Variants in SI observed in about 807,000 individuals in gnomAD.
The protein encoded by SI is sucrase-isomaltase, intestinal.
In SI, 235 loss-of-function variants were observed where a neutral mutation model predicts 253.3. The observed-to-expected ratio is 0.93, with a 90% confidence interval of 0.83 to 1.03. SI has a LOEUF of 1.03. SI is among the 50% of genes least tolerant of loss of function. SI has a pLI of 0.00. For missense variants in SI, 2,442 were observed against 2,211.1 expected (o/e 1.10, Z -2.09); for synonymous variants, 819 against 712.0 (o/e 1.15, Z -2.39).
At chr3:164,988,235 T>C (rs1279730746) in intron 44 of SI, among the ~76,000 whole-genome samples, 1 of 152,200 alleles carries the variant, frequency 6.6e-6, no homozygotes, top group African/African-American at 2.4e-5. Flanking sequence ...CTCCTAAAAT[T>C]TCCAGAATCT....
chr3:165,055,521 G>A (rs1211793760), intron 12 of SI, among the ~76,000 whole-genome samples: 1 of 151,774 alleles, frequency 6.6e-6, no homozygotes, highest in Admixed American at 6.6e-5. Flanking sequence ...GAAGCATTTA[G>A]GAAGAAAAAA....
intron 35 of SI, among the ~76,000 whole-genome samples, chr3:165,008,809 CT>C (rs1330831994): frequency 2.0e-5 from 3 of 151,686 alleles, no homozygotes; most frequent in African/African-American, 7.3e-5. Flanking sequence ...TAAGCATTTA[CT>C]TGTAGCAAAG....
At position 165,016,025 on chromosome 3, in the gene SI, C is replaced by G. The variant is rs776026573; in HGVS notation, c.3815G>C (p.Gly1272Ala). ...CTGAGGAAGGTCCTGGAATGCTTCA[C>G]CAATTGTAAAGTCTAGCTGCCTTTC... ...YMERQLDFTI[G>A]EAFQDLPQFV... The change falls in exon 32 of 48, where the codon GGT (glycine) becomes GCT (alanine). Residue 1272 changes from glycine to alanine, a missense_variant. Gly to Ala is a moderately conservative substitution (Grantham distance 60). Transcript: ENST00000264382. The G allele has an allele frequency of 3.1e-6, 5 of 1,612,338 alleles. No individual in the cohort carries two copies. The highest frequency in any genetic ancestry group is 2.2e-5 in the East Asian group (1 of 44,774).
intron 37 of SI, among the ~76,000 whole-genome samples, chr3:164,999,468 TAAA>T (rs1204904931): frequency 6.6e-6 from 1 of 151,688 alleles, no homozygotes; most frequent in Non-Finnish European, 1.5e-5. Context: ...TAGTTGGAAA[TAAA>T]AATTTTATTT....
chr3:165,024,035 C>T (rs1407113849), intron 25 of SI, among the ~76,000 whole-genome samples: 1 of 151,332 alleles, frequency 6.6e-6, no homozygotes. Context: ...CATTTTTTAA[C>T]TCAAAAAATA....
chr3:165,021,237 T>G lies in SI; in HGVS notation c.3246A>C (p.Gly1082=), dbSNP rs1472543796. Residue 1082 remains glycine, a synonymous_variant, in exon 27 of 48, where the codon GGA becomes GGC. Coordinates refer to ENST00000264382, the MANE Select transcript of SI (RefSeq NM_001041.4). ...ATAATTCAATTACTTACATGACTCT[T>G]CCACTGCTTCTCCGTCGAATCTGGA... The part of the protein sequence containing the change: ...FGIQIRRRSS[G]RVIWDSWLPG... The G allele has an allele frequency of 6.2e-7, 1 of 1,610,356 alleles. No individual in the cohort carries two copies. The highest frequency in any genetic ancestry group is 1.3e-5 in the African/African-American group (1 of 74,700).
At chr3:165,035,242 C>G (rs1273934892) in intron 22 of SI, among the ~76,000 whole-genome samples, 1 of 151,796 alleles carries the variant, frequency 6.6e-6, no homozygotes, top group Non-Finnish European at 1.5e-5. Flanking sequence ...GTATAAAAGA[C>G]TACATTTATC....
At chr3:165,063,145 A>G (rs896838877) in intron 8 of SI, among the ~76,000 whole-genome samples, 4 of 152,010 alleles carry the variant, frequency 2.6e-5, no homozygotes, top group African/African-American at 9.7e-5. Flanking sequence ...TATCTCGACA[A>G]ATGAGATTGT....
intron 3 of SI, among the ~76,000 whole-genome samples, chr3:165,072,478 C>A (rs1310458104): frequency 6.6e-6 from 1 of 151,834 alleles, no homozygotes; most frequent in Non-Finnish European, 1.5e-5. Flanking sequence ...TTGAAAATTG[C>A]AACATCTCCT....
At position 164,992,387 on chromosome 3, in the gene SI, C is replaced by T. The variant is rs1488687346; in HGVS notation, c.4852G>A (p.Glu1618Lys). The change falls in exon 42 of 48, where the codon GAA becomes AAA. Residue 1618 changes from glutamate to lysine, a missense_variant. Glu to Lys is a moderately conservative substitution (Grantham distance 56). Transcript: ENST00000264382. ...TTGAATATATCCCAGGTTGGTTTTT[C>T]ATCAAAGAACCTCGACAAAATTATC... ...IRPLLHEFFD[E>K]KPTWDIFKQF... 5 of 1,608,560 alleles carry T rather than the reference C, an allele frequency of 3.1e-6. No homozygotes were observed. The highest frequency in any genetic ancestry group is 4.2e-6 in the Non-Finnish European group (5 of 1,176,846).
chr3:165,037,438 G>A (rs776068327), intron 21 of SI, among the ~76,000 whole-genome samples: 66 of 151,792 alleles, frequency 4.3e-4, no homozygotes, highest in Non-Finnish European at 3.2e-4. Flanking sequence ...CACTTAGTGA[G>A]CAATTTAGTT....
intron 33 of SI, among the ~76,000 whole-genome samples, 185 bp downstream of exon 33, chr3:165,014,938 A>T (rs1037723985): frequency 2.6e-5 from 4 of 152,182 alleles, no homozygotes; most frequent in African/African-American, 9.6e-5. Flanking sequence ...CATGTGACTT[A>T]TATGAATTCT....
rs79749553 is a variant in SI, at chr3:165,003,031, G to A, written c.4406+3785C>T. Among the ~76,000 whole-genome samples the A allele has an allele frequency of 3.5e-3, 535 of 151,796 alleles. 1 individual carries two copies. Among genetic ancestry groups the A allele is most frequent in the South Asian group, 9.6e-3 (46 of 4,816 alleles). On this transcript the variant is annotated intron_variant, in intron 37 of 47. Coordinates refer to ENST00000264382, the MANE Select transcript of SI (RefSeq NM_001041.4). ...AAAAGTGGAAATGGACTTTACATAC[G>A]CTTAAATATCTCTGCATATGGACTA...
rs1719142393 is a variant in SI at position 165,018,306 on chromosome 3, A to C, written c.3424-240T>G. Among the ~76,000 whole-genome samples the C allele has an allele frequency of 3.3e-5, 5 of 150,746 alleles. No individual in the cohort carries two copies. The Admixed American group carries it at 3.3e-4, about 10-fold the overall frequency. On this transcript the variant is annotated intron_variant, in intron 28 of 47. Transcript: ENST00000264382. ...TAATATTTGTATATTAATAGAAATTAATATACAAATATGTATATATTTGTA... is the reference window on the plus strand; with the variant it reads ...TAATATTTGTATATTAATAGAAATTCATATACAAATATGTATATATTTGTA...
At chr3:165,002,768 A>G (rs1718313279) in intron 37 of SI, among the ~76,000 whole-genome samples, 1 of 151,774 alleles carries the variant, frequency 6.6e-6, no homozygotes, top group African/African-American at 2.4e-5. Flanking sequence ...TTGTAACTGA[A>G]AAAATTAAAA....
At chr3:165,089,250 A>G in the SI span, among the ~76,000 whole-genome samples, 3 of 152,140 alleles carry the variant, frequency 2.0e-5, no homozygotes, top group Non-Finnish European at 4.4e-5. Flanking sequence ...AACTAATGAA[A>G]GAGCAAATAT....
intron 40 of SI, among the ~76,000 whole-genome samples, chr3:164,996,148 G>A (rs1389904375): frequency 5.3e-5 from 8 of 151,754 alleles, no homozygotes. Flanking sequence ...CCAGTGCGGG[G>A]ACCATGTAGA....
chr3:165,008,834 T>C (rs545510401), intron 35 of SI, among the ~76,000 whole-genome samples: 2 of 151,986 alleles, frequency 1.3e-5, no homozygotes, highest in African/African-American at 4.8e-5. Context: ...ATTATTTTTA[T>C]GCTATCTAAA....
Position 165,015,999 on chromosome 3 carries a change from A to G in SI, c.3841T>C (p.Phe1281Leu). Residue 1281 changes from phenylalanine to leucine, a missense_variant, in exon 32 of 48, where the codon TTT (phenylalanine) becomes CTT (leucine). Phe to Leu is a conservative substitution (Grantham distance 22). Coordinates refer to ENST00000264382, the MANE Select transcript of SI (RefSeq NM_001041.4). Reference protein sequence around the residue: ...IGEAFQDLPQFVDKIRGEGMR... With the variant: ...IGEAFQDLPQLVDKIRGEGMR... Reference sequence around the variant, plus strand: ...CCTTCTCCTCTTATTTTGTCAACAAACTGAGGAAGGTCCTGGAATGCTTCA... The same window carrying G: ...CCTTCTCCTCTTATTTTGTCAACAAGCTGAGGAAGGTCCTGGAATGCTTCA... 6.2e-7 allele frequency: 1 copy of G among 1,611,858 alleles called. No homozygotes were observed. Among genetic ancestry groups the G allele is most frequent in the Non-Finnish European group, 8.5e-7 (1 of 1,178,158 alleles).
Sources: gnomAD v4.1 joint callset for allele counts (sites outside exome capture counted in the v4.1 genomes callset) on GRCh38, gnomAD v4.1.1 for gene constraint, MANE v1.5 for transcripts, NCBI Gene and HGNC (gene_info 2026-07-23, HGNC 2026-07-21) for gene names.